RFX2: variants seen among roughly 807,000 people sequenced by gnomAD.
RFX2 encodes DNA-binding protein RFX2.
Under a neutral mutation model 87.8 loss-of-function variants are expected in RFX2, and 20 were observed. The observed-to-expected ratio is 0.23, with a 90% CI of 0.16 to 0.33. RFX2 has a LOEUF of 0.33. Among genes scored for constraint, RFX2 ranks in the 10% least tolerant of loss-of-function variants. The pLI is 1.00. For missense variants in RFX2, 767 were observed against 1,012.3 expected, an observed-to-expected ratio of 0.76 and a Z score of 3.29; for synonymous variants, 397 against 431.3, an observed-to-expected ratio of 0.92 and a Z score of 0.98.
chr19:6,011,791 G>A lies in RFX2; in HGVS notation c.899+1195C>T, dbSNP rs1264874969. On this transcript the variant is annotated intron_variant, in intron 8 of 17. Coordinates refer to ENST00000303657, the MANE Select transcript of RFX2 (RefSeq NM_000635.4). The surrounding 1 kb of genome is among the most constrained non-coding windows in gnomAD (Gnocchi z 4.8). Reference sequence around the variant, plus strand: ...GGGTTTTTGAGCCACACACATACACGGGTGGCTCTGTGCAGAGGGTCCAGC... The same window carrying A: ...GGGTTTTTGAGCCACACACATACACAGGTGGCTCTGTGCAGAGGGTCCAGC... Among the ~76,000 whole-genome samples, 1 of 152,164 alleles carries A rather than the reference G, an allele frequency of 6.6e-6. No individual in the cohort carries two copies. Among genetic ancestry groups the A allele is most frequent in the African/African-American group, 2.4e-5 (1 of 41,428 alleles).
At chr19:6,062,698 G>A (rs543833346) in intron 1 of RFX2, among the ~76,000 whole-genome samples, 2 of 152,170 alleles carry the variant, frequency 1.3e-5, no homozygotes, top group African/African-American at 2.4e-5. Flanking sequence ...TACAGTCCCC[G>A]TGGGGAGTGA....
chr19:6,089,175 C>A (rs774720843), intron 1 of RFX2, among the ~76,000 whole-genome samples: 1 of 152,158 alleles, frequency 6.6e-6, no homozygotes, highest in African/African-American at 2.4e-5. Context: ...TAAAACAGAG[C>A]CTAAAATAAC....
intron 1 of RFX2, among the ~76,000 whole-genome samples, chr19:6,088,211 CT>C (rs1030226963): frequency 0.043 from 3,659 of 84,380 alleles, 26 homozygotes; most frequent in African/African-American, 0.068. Context: ...GGCACTACAG[CT>C]TTTTTTTTTT....
chr19:6,000,502 C>T (rs1429859667), intron 15 of RFX2, among the ~76,000 whole-genome samples: 1 of 152,194 alleles, frequency 6.6e-6, no homozygotes, highest in African/African-American at 2.4e-5. Context: ...TAATGATCCC[C>T]ATGTGTTGTG....
Position 6,007,147 on chromosome 19 carries a change from C to T in RFX2, c.1267G>A (p.Ala423Thr), listed in dbSNP as rs753097280. Residue 423 changes from alanine to threonine, a missense_variant, in exon 12 of 18, where the codon GCC (alanine) becomes ACC (threonine). Physicochemically the swap from Ala to Thr is moderately conservative, Grantham distance 58 (BLOSUM62 0). Coordinates refer to ENST00000303657, the MANE Select transcript of RFX2 (RefSeq NM_000635.4). The surrounding 1 kb of genome is among the most constrained non-coding windows in gnomAD (Gnocchi z 8.2). ...LPASDEDPEG[A>T]VLPKDKLISL... ...ATAAGCTTGTCCTTGGGCAGGACGGCGCCCTCGGGGTCTTCGTCACTGTGG... is the reference window on the plus strand; with the variant it reads ...ATAAGCTTGTCCTTGGGCAGGACGGTGCCCTCGGGGTCTTCGTCACTGTGG... The T allele has an allele frequency of 8.7e-6, 14 of 1,613,712 alleles. No individual in the cohort carries two copies. Among genetic ancestry groups the T allele is most frequent in the Admixed American group, 3.3e-5 (2 of 59,992 alleles).
Position 6,105,118 on chromosome 19 carries a change from CAA to C in RFX2, c.-9+5273_-9+5274del, listed in dbSNP as rs1261973557. Among the ~76,000 whole-genome samples, 300 of 62,252 alleles carry C rather than the reference CAA, an allele frequency of 4.8e-3. 1 individual carries two copies. Among genetic ancestry groups the C allele is most frequent in the Middle Eastern group, 0.014 (1 of 70 alleles). 40.8% of individuals were successfully genotyped at this position (62,252 alleles called of 152,430 possible). A position where few individuals can be genotyped will look rare whatever the true frequency, so the allele number is the denominator to read the frequency against. On this transcript the variant is annotated intron_variant, in intron 1 of 17. Transcript: ENST00000303657. ...GGTGACAGAGTGAGACTCCGTCTCA[CAA>C]AAAAAAAAAAAAAAGAAGTTAATAA...
chr19:6,061,706 G>T lies in RFX2; in HGVS notation c.-8-14202C>A, dbSNP rs74994297. Among the ~76,000 whole-genome samples the T allele has an allele frequency of 6.6e-6, 1 of 152,204 alleles. No homozygotes were observed. The highest frequency in any genetic ancestry group is 1.5e-5 in the Non-Finnish European group (1 of 68,044). ...GGAATGCCGAGTGGCTGGGAAGGAG[G>T]TATGACCACCCGGAGCAGAGGGAGG... On this transcript the variant is annotated intron_variant, in intron 1 of 17. Transcript: ENST00000303657. This position sits in a 1 kb window ranked among gnomAD's most constrained non-coding sequence, Gnocchi z 5.2.
At position 6,007,667 on chromosome 19, in the gene RFX2, C is replaced by T. The variant is rs372089672; in HGVS notation, c.1247+23G>A. 2 of 1,460,538 alleles carry T rather than the reference C, an allele frequency of 1.4e-6. No individual in the cohort carries two copies. Among genetic ancestry groups the T allele is most frequent in the Non-Finnish European group, 1.9e-6 (2 of 1,064,386 alleles). 90.5% of individuals were successfully genotyped at this position (1,460,538 alleles called of 1,614,324 possible). ...GGGTTAAGTCTGGGGTGGCTGTGAA[C>T]CCAGCCAGGGTGTGGCAGTCACCTG... On this transcript the variant is annotated intron_variant, in intron 11 of 17. Transcript: ENST00000303657. The surrounding 1 kb of genome is among the most constrained non-coding windows in gnomAD (Gnocchi z 8.2).
At chr19:6,028,975 A>C (rs924650627) in intron 5 of RFX2, among the ~76,000 whole-genome samples, 25 of 151,956 alleles carry the variant, frequency 1.6e-4, no homozygotes, top group Non-Finnish European at 3.4e-4. Flanking sequence ...GCTTCTGGGG[A>C]GGCTGAGGCA....
At chr19:6,102,641 T>C (rs1050615961) in intron 1 of RFX2, among the ~76,000 whole-genome samples, 5 of 152,228 alleles carry the variant, frequency 3.3e-5, no homozygotes, top group Non-Finnish European at 1.5e-5. Context: ...GCAGGACCTT[T>C]GTACCTGCTG....
rs1370753768 is a variant in RFX2, at chr19:6,083,106, C to G, written c.-9+27287G>C. On this transcript the variant is annotated intron_variant, in intron 1 of 17. Transcript: ENST00000303657. This position sits in a 1 kb window ranked among gnomAD's most constrained non-coding sequence, Gnocchi z 4.6. The stretch of plus-strand genomic sequence containing the variant: ...ATTGTTTGTAGAGACGGGGTTTCAC[C>G]CTGTTGTCCAGGCTGGTCTTGAACT... Among the ~76,000 whole-genome samples, 2 of 152,130 alleles carry G rather than the reference C, an allele frequency of 1.3e-5. No homozygotes were observed. Among genetic ancestry groups the G allele is most frequent in the African/African-American group, 4.8e-5 (2 of 41,428 alleles).
rs150923371 is a variant in RFX2, at chr19:6,009,794, G to A, written c.1015+342C>T. Reference sequence around the variant, plus strand: ...TTGCCTAGGCTGGTCTTGAACTCCTGAGCTCAAGTGATCCTCCCGCCTTGG... The same window carrying A: ...TTGCCTAGGCTGGTCTTGAACTCCTAAGCTCAAGTGATCCTCCCGCCTTGG... On this transcript the variant is annotated intron_variant, in intron 9 of 17. Coordinates refer to ENST00000303657, the MANE Select transcript of RFX2 (RefSeq NM_000635.4). Among the ~76,000 whole-genome samples the A allele has an allele frequency of 4.4e-3, 666 of 152,216 alleles. 7 individuals are homozygous for A. In the East Asian group the frequency reaches 0.071, roughly 16 times the overall value.
In RFX2 at chr19:6,016,113, C is replaced by T; in HGVS notation, c.756G>A (p.Leu252=). 3 of 1,610,406 alleles carry T rather than the reference C, an allele frequency of 1.9e-6. No homozygotes were observed. The highest frequency in any genetic ancestry group is 2.5e-6 in the Non-Finnish European group (3 of 1,177,710). The change falls in exon 7 of 18, where the codon CTG becomes CTA. Residue 252 remains leucine, a synonymous_variant. Coordinates refer to ENST00000303657, the MANE Select transcript of RFX2 (RefSeq NM_000635.4). The surrounding 1 kb of genome is among the most constrained non-coding windows in gnomAD (Gnocchi z 5.4). The part of the protein sequence containing the change: ...GKLIRSVFMG[L]RTRRLGTRGN... ...ACCTGGTGCCCAGCCGCCGCGTTCT[C>T]AGCCCCATAAACACAGAACGGATCA...
intron 1 of RFX2, among the ~76,000 whole-genome samples, chr19:6,093,609 G>A (rs2087977404): frequency 6.6e-6 from 1 of 151,950 alleles, no homozygotes; most frequent in Non-Finnish European, 1.5e-5. Flanking sequence ...ACCATTAGTA[G>A]AAAGAATGAA....
rs2086463681 is a variant in RFX2 at position 5,999,539 on chromosome 19, C to T, written c.1859+2276G>A. Among the ~76,000 whole-genome samples the T allele has an allele frequency of 6.6e-6, 1 of 152,118 alleles. No individual in the cohort carries two copies. Among genetic ancestry groups the T allele is most frequent in the Non-Finnish European group, 1.5e-5 (1 of 68,028 alleles). On this transcript the variant is annotated intron_variant, in intron 15 of 17. Transcript: ENST00000303657. This position sits in a 1 kb window ranked among gnomAD's most constrained non-coding sequence, Gnocchi z 4.1. ...GGCTTTATTGTAATTTCTGGCTACACTGGTGTTTCTGTTATGTGGCAGTGG... is the reference window on the plus strand; with the variant it reads ...GGCTTTATTGTAATTTCTGGCTACATTGGTGTTTCTGTTATGTGGCAGTGG...
intron 1 of RFX2, among the ~76,000 whole-genome samples, chr19:6,062,979 A>G (rs1055562943): frequency 2.6e-5 from 4 of 151,962 alleles, no homozygotes; most frequent in African/African-American, 4.8e-5. Flanking sequence ...CCAGAGACCA[A>G]TGTCACCTGT....
intron 16 of RFX2, among the ~76,000 whole-genome samples, chr19:5,996,116 G>A (rs1377064942): frequency 1.3e-5 from 2 of 152,228 alleles, no homozygotes; most frequent in African/African-American, 4.8e-5. Context: ...TTAGAGTGCT[G>A]TGGCTTCTGG....
chr19:5,994,625 A>G lies in RFX2; in HGVS notation c.*210T>C, dbSNP rs1279690287. On this transcript the variant is annotated 3_prime_UTR_variant, in exon 18 of 18. Coordinates refer to ENST00000303657, the MANE Select transcript of RFX2 (RefSeq NM_000635.4). ...GCAGGGACCTGGGGACCCAGAGCAC[A>G]GCTACAGCCAGTGGGAGCCCTGGCC... The G allele has an allele frequency of 1.0e-5, 6 of 576,232 alleles. No homozygotes were observed. Among genetic ancestry groups the G allele is most frequent in the Non-Finnish European group, 1.9e-5 (6 of 321,470 alleles). The allele number at this position is 576,232 out of a possible 1,614,324, so 35.7% of individuals were successfully genotyped here. A position where few individuals can be genotyped will look rare whatever the true frequency, so the allele number is the denominator to read the frequency against.
chr19:6,093,410 C>A (rs556343978), intron 1 of RFX2, among the ~76,000 whole-genome samples: 97 of 152,262 alleles, frequency 6.4e-4, no homozygotes, highest in South Asian at 3.3e-3. Flanking sequence ...TGGCACATGC[C>A]TGTAATCCCA....
Sources: gnomAD v4.1 joint callset for allele counts (sites outside exome capture counted in the v4.1 genomes callset) on GRCh38, gnomAD v4.1.1 for gene constraint, Gnocchi (gnomAD v3.1) non-coding constraint, MANE v1.5 for transcripts, NCBI Gene and HGNC (gene_info 2026-07-23, HGNC 2026-07-21) for gene names.